The following CSMD1 variants were observed in gnomAD, a reference collection of about 807,000 sequenced individuals.
CSMD1 encodes CUB and Sushi multiple domains 1.
In CSMD1, 213 loss-of-function variants were observed where a neutral mutation model predicts 417.5. The observed-to-expected ratio is 0.51, with a 90% confidence interval of 0.46 to 0.57. CSMD1 has a LOEUF of 0.57. Among genes scored for constraint, CSMD1 ranks in the 20% least tolerant of loss-of-function variants. The pLI is 0.00. For missense variants in CSMD1, 6,923 were observed against 4,529.7 expected (o/e 1.53, Z -15.17); for synonymous variants, 2,862 against 1,736.8 (o/e 1.65, Z -16.11).
chr8:4,371,390 A>G (rs1473255662), intron 3 of CSMD1, among the ~76,000 whole-genome samples: 1 of 152,176 alleles, frequency 6.6e-6, no homozygotes, highest in East Asian at 1.9e-4. Flanking sequence ...TTTGTATTAA[A>G]CATATTTTTA....
chr8:3,135,179 G>C (rs896512345), intron 41 of CSMD1, among the ~76,000 whole-genome samples: 1 of 152,206 alleles, frequency 6.6e-6, no homozygotes, highest in African/African-American at 2.4e-5. Context: ...GCTTCCCAAA[G>C]TGCTGCAATT....
chr8:3,840,086 T>A lies in CSMD1; in HGVS notation c.819-86044A>T, dbSNP rs535304698. 2.0e-5 allele frequency among the ~76,000 whole-genome samples: 3 copies of A among 152,278 alleles called. No homozygotes were observed. The East Asian group carries it at 5.8e-4, about 29-fold the overall frequency. On this transcript the variant is annotated intron_variant, in intron 5 of 69. Coordinates refer to ENST00000635120, the MANE Select transcript of CSMD1 (RefSeq NM_033225.6). ...ATATATAATAGCTCTGCCTATACTT[T>A]CAATGAATATTTTCTTAATTGTTAA...
intron 10 of CSMD1, among the ~76,000 whole-genome samples, chr8:3,568,365 C>G (rs1206410889): frequency 6.6e-6 from 1 of 152,092 alleles, no homozygotes; most frequent in Non-Finnish European, 1.5e-5. Flanking sequence ...GTATAATACA[C>G]CTTGAGTCTG....
At chr8:3,292,329 G>A (rs1020159573) in intron 25 of CSMD1, among the ~76,000 whole-genome samples, 5 of 152,146 alleles carry the variant, frequency 3.3e-5, no homozygotes, top group African/African-American at 4.8e-5. Flanking sequence ...GAGTTCTGTA[G>A]ATGTCTATTA....
intron 2 of CSMD1, among the ~76,000 whole-genome samples, chr8:4,430,499 A>G (rs920737179): frequency 1.3e-5 from 2 of 152,152 alleles, no homozygotes; most frequent in Non-Finnish European, 2.9e-5. Flanking sequence ...TTTGCACTAA[A>G]CAAAAATTTC....
intron 26 of CSMD1, among the ~76,000 whole-genome samples, chr8:3,243,096 G>T (rs887386732): frequency 1.3e-5 from 2 of 152,166 alleles, no homozygotes; most frequent in African/African-American, 4.8e-5. Context: ...AGATTGAAGG[G>T]TGGCGACAAG....
chr8:4,496,508 T>C (rs1038892523), intron 2 of CSMD1, among the ~76,000 whole-genome samples: 3 of 152,178 alleles, frequency 2.0e-5, no homozygotes, highest in Non-Finnish European at 2.9e-5. Context: ...AGTCGGGTAA[T>C]ATACCAGGGA....
chr8:3,606,714 T>G (rs1386528700), intron 8 of CSMD1, among the ~76,000 whole-genome samples: 45 of 9,844 alleles, frequency 4.6e-3, no homozygotes, highest in African/African-American at 0.014. Flanking sequence ...TTCGTTACAA[T>G]TTTTTTTTTT....
intron 6 of CSMD1, among the ~76,000 whole-genome samples, chr8:3,711,031 CAT>C (rs538119274): frequency 3.0e-4 from 45 of 152,292 alleles, no homozygotes; most frequent in African/African-American, 9.9e-4. Flanking sequence ...GTGAGAAACA[CAT>C]ATTATGTCTA....
At chr8:4,038,602 G>A (rs1198238807) in intron 3 of CSMD1, among the ~76,000 whole-genome samples, 4 of 152,182 alleles carry the variant, frequency 2.6e-5, no homozygotes, top group African/African-American at 7.2e-5. Flanking sequence ...GAATACACAT[G>A]AAGAATTTAG....
chr8:4,618,299 T>A (rs189497605), intron 2 of CSMD1, among the ~76,000 whole-genome samples: 4 of 25,606 alleles, frequency 1.6e-4, no homozygotes, highest in Admixed American at 8.7e-4. Flanking sequence ...CTCAGCCATG[T>A]CCCTCATAAG....
Position 4,944,351 on chromosome 8 carries a change from G to A in CSMD1, c.85+49981C>T, listed in dbSNP as rs774974657. Among the ~76,000 whole-genome samples the A allele has an allele frequency of 1.2e-4, 18 of 152,154 alleles. 1 individual carries two copies. Among genetic ancestry groups the A allele is most frequent in the South Asian group, 2.1e-4 (1 of 4,816 alleles). On this transcript the variant is annotated intron_variant, in intron 1 of 69. Transcript: ENST00000635120. ...GAAAGCTAGTTATCAGTGAGTTTGG[G>A]TTTAAATTATAAGGGCCAGCAAAAA... is the stretch of plus-strand genomic sequence containing the variant.
intron 10 of CSMD1, among the ~76,000 whole-genome samples, chr8:3,497,455 G>A (rs531869908): frequency 1.3e-5 from 2 of 152,238 alleles, no homozygotes; most frequent in South Asian, 4.2e-4. Flanking sequence ...CACCCAGGCT[G>A]GAGTGCAGTG....
At chr8:4,510,157 C>T (rs368320763) in intron 2 of CSMD1, among the ~76,000 whole-genome samples, 1 of 151,964 alleles carries the variant, frequency 6.6e-6, no homozygotes, top group African/African-American at 2.4e-5. Context: ...TGCCTGCTGC[C>T]ATGGAAGACG....
intron 7 of CSMD1, among the ~76,000 whole-genome samples, chr8:3,671,920 C>A (rs1799091907): frequency 6.6e-6 from 1 of 152,066 alleles, no homozygotes; most frequent in African/African-American, 2.4e-5. Context: ...GTGTCGTTAG[C>A]CTGCTGGTCA....
intron 4 of CSMD1, among the ~76,000 whole-genome samples, chr8:4,027,418 G>A (rs1190237087): frequency 6.6e-6 from 1 of 152,102 alleles, no homozygotes; most frequent in South Asian, 2.1e-4. Flanking sequence ...CATTGTGGGA[G>A]GTGATTAGAT....
chr8:3,011,258 C>T (rs1004903116), intron 52 of CSMD1, among the ~76,000 whole-genome samples: 2 of 152,106 alleles, frequency 1.3e-5, no homozygotes, highest in African/African-American at 4.8e-5. Flanking sequence ...AATCTGAGAA[C>T]TGGTATAGGG....
chr8:3,687,713 C>G (rs1800009371), intron 7 of CSMD1, among the ~76,000 whole-genome samples: 1 of 152,124 alleles, frequency 6.6e-6, no homozygotes, highest in African/African-American at 2.4e-5. Context: ...GGCTGGTGGC[C>G]TTTGGAAGCA....
chr8:4,985,310 T>G (rs1351361153), intron 1 of CSMD1, among the ~76,000 whole-genome samples: 1 of 152,076 alleles, frequency 6.6e-6, no homozygotes, highest in Non-Finnish European at 1.5e-5. Flanking sequence ...CAACCCCCCA[T>G]GACACACATT....
Sources: allele counts gnomAD v4.1 joint callset (sites outside exome capture counted in the v4.1 genomes callset), GRCh38; gene constraint gnomAD v4.1.1; transcripts MANE v1.5; gene names NCBI Gene and HGNC (gene_info 2026-07-23, HGNC 2026-07-21).